PROSER2: variants seen among roughly 807,000 people sequenced by gnomAD.
PROSER2 encodes the protein proline and serine rich 2.
Under a neutral mutation model 14.6 loss-of-function variants are expected in PROSER2, and 18 were observed. The observed-to-expected ratio is 1.23, with a 90% CI of 0.85 to 1.83. The LOEUF (loss-of-function observed/expected upper bound fraction) is 1.83, where lower values mean the gene tolerates loss of function less well. Ranked by LOEUF, PROSER2 falls within the 40% of genes most tolerant of loss-of-function variation. PROSER2 has a pLI of 0.00. For synonymous variants in PROSER2, 367 were observed against 286.4 expected (o/e 1.28, Z -2.84); for missense variants, 823 against 629.8 (o/e 1.31, Z -3.28).
In PROSER2 at chr10:11,869,384, T is replaced by C. The variant is rs1834417124; in HGVS notation, c.392-106T>C. On this transcript the variant is annotated intron_variant, in intron 3 of 3. Transcript: ENST00000277570. This position sits in a 1 kb window ranked among gnomAD's most constrained non-coding sequence, Gnocchi z 4.4. ...GACTCACAGGCAGCACCGGCGAAGT[T>C]GGTGTCAGGTCCAGGTTGAGGCTCT... 5.1e-6 allele frequency: 4 copies of C among 783,650 alleles called. No individual in the cohort carries two copies. In the East Asian group the frequency reaches 7.6e-5, roughly 15 times the overall value. The allele number at this position is 783,650 out of a possible 1,614,324, so 48.5% of individuals were successfully genotyped here. A position where few individuals can be genotyped will look rare whatever the true frequency, so the allele number is the denominator to read the frequency against.
At chr10:11,834,157 G>A (rs971566186) in intron 1 of PROSER2, among the ~76,000 whole-genome samples, 1 of 151,600 alleles carries the variant, frequency 6.6e-6, no homozygotes, top group African/African-American at 2.4e-5. Flanking sequence ...ACCACACCCA[G>A]CTAATTTTTG....
intron 2 of PROSER2, among the ~76,000 whole-genome samples, chr10:11,858,942 G>C (rs1312223430): frequency 6.7e-6 from 1 of 148,474 alleles, no homozygotes; most frequent in African/African-American, 2.5e-5. Context: ...CCAGGAGGTG[G>C]AGGTTGCAGT....
intron 2 of PROSER2, among the ~76,000 whole-genome samples, chr10:11,861,448 C>G (rs1049996973): frequency 6.6e-6 from 1 of 152,094 alleles, no homozygotes; most frequent in Admixed American, 6.6e-5. Context: ...TACTGTGGTA[C>G]TGGATTGTGT....
intron 2 of PROSER2, among the ~76,000 whole-genome samples, chr10:11,852,862 G>A (rs900906103): frequency 5.4e-5 from 8 of 148,086 alleles, no homozygotes; most frequent in Admixed American, 3.4e-4. Flanking sequence ...CACCGCGCCC[G>A]GCCACTCAAG....
intron 2 of PROSER2, among the ~76,000 whole-genome samples, chr10:11,857,606 G>A (rs989989013): frequency 2.0e-5 from 3 of 151,996 alleles, no homozygotes; most frequent in African/African-American, 7.2e-5. Context: ...TTAGCCAGGC[G>A]TGGTGACGCG....
In PROSER2 at chr10:11,823,401, C is replaced by CGGCGGCGTGAGGGCTCCGGGTCGCT. The variant is rs1554765146; in HGVS notation, c.-141_-117dup. On this transcript the variant is annotated 5_prime_UTR_variant, in exon 1 of 4. Transcript: ENST00000277570. This position sits in a 1 kb window ranked among gnomAD's most constrained non-coding sequence, Gnocchi z 6.2. ...CCCGGAACAGTCTGCGCCAGACGGGCGGCGGCGTGAGGGCTCCGGGTCGCT... is the reference window on the plus strand; with the variant it reads ...CCCGGAACAGTCTGCGCCAGACGGGCGGCGGCGTGAGGGCTCCGGGTCGCTGGCGGCGTGAGGGCTCCGGGTCGCT... The CGGCGGCGTGAGGGCTCCGGGTCGCT allele has an allele frequency of 1.2e-3, 192 of 153,720 alleles. No homozygotes were observed. Among genetic ancestry groups the CGGCGGCGTGAGGGCTCCGGGTCGCT allele is most frequent in the African/African-American group, 4.3e-3 (180 of 41,422 alleles). The allele number at this position is 153,720 out of a possible 1,614,324, so 9.5% of individuals were successfully genotyped here.
chr10:11,845,330 T>C (rs1334627346), intron 1 of PROSER2, among the ~76,000 whole-genome samples: 3 of 152,178 alleles, frequency 2.0e-5, no homozygotes, highest in Non-Finnish European at 4.4e-5. Flanking sequence ...TAACTACGGT[T>C]TTGAGGCTGC....
At chr10:11,858,958 G>A (rs557045607) in intron 2 of PROSER2, among the ~76,000 whole-genome samples, 4 of 137,718 alleles carry the variant, frequency 2.9e-5, no homozygotes, top group East Asian at 2.1e-4. Flanking sequence ...GCAGTGAGCC[G>A]AGATTGTATG....
intron 1 of PROSER2, among the ~76,000 whole-genome samples, chr10:11,839,585 G>T (rs533865245): frequency 1.8e-4 from 28 of 152,088 alleles, no homozygotes; most frequent in Non-Finnish European, 3.8e-4. Flanking sequence ...CCAGCATTTT[G>T]AGAGGCCAAG....
At chr10:11,847,578 T>C (rs940735806) in intron 1 of PROSER2, among the ~76,000 whole-genome samples, 1 of 152,158 alleles carries the variant, frequency 6.6e-6, no homozygotes, top group African/African-American at 2.4e-5. Flanking sequence ...CCACCACGCC[T>C]GGCTAATTTT....
intron 2 of PROSER2, among the ~76,000 whole-genome samples, chr10:11,855,017 C>T (rs1834096396): frequency 6.6e-6 from 1 of 151,850 alleles, no homozygotes; most frequent in Non-Finnish European, 1.5e-5. Flanking sequence ...CAGTCAACAG[C>T]GTTTTTAGGC....
Position 11,853,482 on chromosome 10 carries a change from G to A in PROSER2, c.138+1267G>A, listed in dbSNP as rs371686672. The stretch of plus-strand genomic sequence containing the variant: ...GGGCACCTGTAATCCCAGCTACTCG[G>A]GAGGCTGAGGCAGGAGAATCACTTG... On this transcript the variant is annotated intron_variant, in intron 2 of 3. Coordinates refer to ENST00000277570, the MANE Select transcript of PROSER2 (RefSeq NM_153256.4). Among the ~76,000 whole-genome samples, 4 of 152,256 alleles carry A rather than the reference G, an allele frequency of 2.6e-5. No individual in the cohort carries two copies. In the East Asian group the frequency reaches 5.8e-4, roughly 22 times the overall value.
rs1163342767 is a variant in PROSER2, at chr10:11,865,914, C to T, written c.139-617C>T. Among the ~76,000 whole-genome samples, 1 of 152,210 alleles carries T rather than the reference C, an allele frequency of 6.6e-6. No homozygotes were observed. Among genetic ancestry groups the T allele is most frequent in the Non-Finnish European group, 1.5e-5 (1 of 68,038 alleles). On this transcript the variant is annotated intron_variant, in intron 2 of 3. Transcript: ENST00000277570. This position sits in a 1 kb window ranked among gnomAD's most constrained non-coding sequence, Gnocchi z 4.2. ...CTCAGCACCTCCAGGGCCTGAGCTT[C>T]TGGGCAGTTCTTCGGGATGCAGCAG...
At chr10:11,861,956 G>C (rs1312876022) in intron 2 of PROSER2, among the ~76,000 whole-genome samples, 2 of 152,218 alleles carry the variant, frequency 1.3e-5, no homozygotes, top group East Asian at 3.8e-4. Flanking sequence ...AAATTAAAGA[G>C]CCAGATCTGT....
chr10:11,843,317 C>T (rs944527302), intron 1 of PROSER2, among the ~76,000 whole-genome samples: 2 of 150,686 alleles, frequency 1.3e-5, no homozygotes, highest in Admixed American at 6.6e-5. Context: ...CTTTGGGAGG[C>T]AGAGGCAGGC....
rs1186933067 is a variant in PROSER2, at chr10:11,838,496, C to T, written c.-81-13501C>T. 2.6e-5 allele frequency among the ~76,000 whole-genome samples: 4 copies of T among 152,250 alleles called. No individual in the cohort carries two copies. Among genetic ancestry groups the T allele is most frequent in the Non-Finnish European group, 5.9e-5 (4 of 68,048 alleles). On this transcript the variant is annotated intron_variant, in intron 1 of 3. Transcript: ENST00000277570. The surrounding 1 kb of genome is among the most constrained non-coding windows in gnomAD (Gnocchi z 4.4). ...ATACCCATCCCGGCACGTGTTTCCACATGTTCCTAGTAGACAGCTCCCCTG... is the reference window on the plus strand; with the variant it reads ...ATACCCATCCCGGCACGTGTTTCCATATGTTCCTAGTAGACAGCTCCCCTG...
chr10:11,829,105 T>G (rs754671606), intron 1 of PROSER2, among the ~76,000 whole-genome samples: 5 of 152,006 alleles, frequency 3.3e-5, no homozygotes, highest in Non-Finnish European at 7.4e-5. Flanking sequence ...TGGCAGATCT[T>G]GTTTCCCGGC....
intron 1 of PROSER2, among the ~76,000 whole-genome samples, chr10:11,833,929 G>T (rs1351902178): frequency 6.6e-6 from 1 of 150,868 alleles, no homozygotes; most frequent in Non-Finnish European, 1.5e-5. Context: ...TTTGAAGCCT[G>T]GGAGGAGGGC....
intron 1 of PROSER2, among the ~76,000 whole-genome samples, chr10:11,849,073 G>T (rs1694135433): frequency 6.6e-6 from 1 of 152,178 alleles, no homozygotes; most frequent in African/African-American, 2.4e-5. Context: ...TGTAGTCCCA[G>T]CTACTTGGGA....
Sources: allele counts gnomAD v4.1 joint callset (sites outside exome capture counted in the v4.1 genomes callset), GRCh38; gene constraint gnomAD v4.1.1; non-coding constraint Gnocchi (gnomAD v3.1); transcripts MANE v1.5; gene names NCBI Gene and HGNC (gene_info 2026-07-23, HGNC 2026-07-21).